MPZL1: variants seen among roughly 807,000 people sequenced by gnomAD.
MPZL1 encodes the protein myelin protein zero like 1.
In MPZL1, 16 loss-of-function variants were observed where a neutral mutation model predicts 29.3. That is an observed-to-expected ratio of 0.55 (90% CI 0.37 to 0.83). MPZL1 has a LOEUF of 0.83. Among genes scored for constraint, MPZL1 ranks in the 40% least tolerant of loss-of-function variants. The pLI is 0.00. For missense variants in MPZL1, 279 were observed against 332.9 expected (o/e 0.84, Z 1.26); for synonymous variants, 143 against 132.0 (o/e 1.08, Z -0.57).
chr1:167,789,562 G>C lies in MPZL1; in HGVS notation c.*1641G>C, dbSNP rs544719220. 1 of 152,184 alleles carries C rather than the reference G, an allele frequency of 6.6e-6. No individual in the cohort carries two copies. Among genetic ancestry groups the C allele is most frequent in the Non-Finnish European group, 1.5e-5 (1 of 68,024 alleles). 9.4% of individuals were successfully genotyped at this position (152,184 alleles called of 1,614,324 possible). ...GGTGTGCACAAGGTGGTAAGATAAA[G>C]GGCATATGAGCTTCAAAACTAATGC... On this transcript the variant is annotated 3_prime_UTR_variant, in exon 6 of 6. Transcript: ENST00000359523.
chr1:167,751,441 G>A (rs1317417809), intron 1 of MPZL1, among the ~76,000 whole-genome samples: 1 of 151,974 alleles, frequency 6.6e-6, no homozygotes, highest in African/African-American at 2.4e-5. Context: ...AGGCTGAGGT[G>A]GGCGGATCAC....
intron 2 of MPZL1, among the ~76,000 whole-genome samples, chr1:167,767,587 T>C (rs754636857): frequency 2.0e-4 from 30 of 152,356 alleles, no homozygotes; most frequent in Non-Finnish European, 3.7e-4. Context: ...GTTATTGACA[T>C]AGGATCCTTT....
At chr1:167,767,210 A>G (rs1207911149) in intron 2 of MPZL1, among the ~76,000 whole-genome samples, 2 of 152,246 alleles carry the variant, frequency 1.3e-5, no homozygotes, top group Non-Finnish European at 2.9e-5. Context: ...TACCATGGAA[A>G]GACATAAAGA....
Position 167,727,619 on chromosome 1 carries a change from T to C in MPZL1, c.91+5377T>C, listed in dbSNP as rs541468862. Among the ~76,000 whole-genome samples the C allele has an allele frequency of 3.3e-4, 50 of 151,888 alleles. No individual in the cohort carries two copies. The South Asian group carries it at 9.6e-3, about 29-fold the overall frequency. ...GACTTGACCCCTAAGGCTGGTGATA[T>C]TAAGCCTTCATGTATCTTGAATGAT... is the stretch of plus-strand genomic sequence containing the variant. On this transcript the variant is annotated intron_variant, in intron 1 of 5. Transcript: ENST00000359523.
intron 1 of MPZL1, among the ~76,000 whole-genome samples, chr1:167,758,415 T>C (rs770741885): frequency 2.6e-5 from 4 of 152,236 alleles, no homozygotes; most frequent in Admixed American, 6.5e-5. Flanking sequence ...ATTGTTTCAG[T>C]AATTCAGAAT....
rs1333249851 is a variant in MPZL1 at position 167,722,973 on chromosome 1, T to G, written c.91+731T>G. 3.9e-5 allele frequency among the ~76,000 whole-genome samples: 6 copies of G among 151,920 alleles called. No individual in the cohort carries two copies. In the East Asian group the frequency reaches 1.2e-3, roughly 29 times the overall value. ...AGAGCATTAAAAAGCATAATTTTCC[T>G]AAAGGAAAAAAAAAGCTCCTTTTTC... On this transcript the variant is annotated intron_variant, in intron 1 of 5. Coordinates refer to ENST00000359523, the MANE Select transcript of MPZL1 (RefSeq NM_003953.6).
intron 5 of MPZL1, among the ~76,000 whole-genome samples, chr1:167,777,732 T>G (rs185078695): frequency 6.6e-6 from 1 of 152,274 alleles, no homozygotes; most frequent in Non-Finnish European, 1.5e-5. Context: ...CAATGCCTGG[T>G]GCTCACACAG....
intron 1 of MPZL1, among the ~76,000 whole-genome samples, chr1:167,723,292 A>G (rs1660078089): frequency 1.3e-5 from 2 of 152,226 alleles, no homozygotes; most frequent in South Asian, 4.1e-4. Context: ...TTCTTTCTTC[A>G]TGGAAAAGTT....
At chr1:167,774,613 G>A (rs1013631765) in intron 4 of MPZL1, 5 of 152,252 alleles carry the variant, frequency 3.3e-5, no homozygotes, top group Non-Finnish European at 7.3e-5. Context: ...GGTCTTTGTA[G>A]TTCTTGCTTC....
intron 1 of MPZL1, among the ~76,000 whole-genome samples, chr1:167,750,933 A>G (rs909877418): frequency 2.6e-5 from 4 of 152,228 alleles, no homozygotes; most frequent in Non-Finnish European, 5.9e-5. Flanking sequence ...TAAGCCAGTT[A>G]CATAGTAGAT....
chr1:167,758,577 G>T (rs1364654360), intron 1 of MPZL1, among the ~76,000 whole-genome samples: 2 of 151,126 alleles, frequency 1.3e-5, no homozygotes, highest in African/African-American at 4.9e-5. Context: ...CATCCAAATT[G>T]TAAGAATATT....
intron 2 of MPZL1, among the ~76,000 whole-genome samples, chr1:167,770,958 G>T (rs1191937678): frequency 6.6e-6 from 1 of 151,656 alleles, no homozygotes; most frequent in Admixed American, 6.6e-5. Flanking sequence ...CTTCTGTCTG[G>T]CTTAGATTCC....
At chr1:167,775,401 A>G (rs931803407) in intron 4 of MPZL1, among the ~76,000 whole-genome samples, 8 of 152,174 alleles carry the variant, frequency 5.3e-5, no homozygotes, top group Admixed American at 5.2e-4. Flanking sequence ...ACTTCCTGGC[A>G]TTCACTTTCC....
chr1:167,758,538 T>C (rs1660917395), intron 1 of MPZL1, among the ~76,000 whole-genome samples: 1 of 152,198 alleles, frequency 6.6e-6, no homozygotes, highest in Non-Finnish European at 1.5e-5. Context: ...CTTTGCTTTT[T>C]TTTTTCTTTC....
At chr1:167,731,641 T>C (rs1009184535) in intron 1 of MPZL1, among the ~76,000 whole-genome samples, 1 of 151,906 alleles carries the variant, frequency 6.6e-6, no homozygotes, top group Admixed American at 6.6e-5. Context: ...TGTTTCACCA[T>C]GTTAGCCAGG....
At chr1:167,736,480 A>G (rs912126902) in intron 1 of MPZL1, among the ~76,000 whole-genome samples, 1 of 151,914 alleles carries the variant, frequency 6.6e-6, no homozygotes, top group African/African-American at 2.4e-5. Flanking sequence ...TCAACTCTAT[A>G]TATCTCTCCT....
chr1:167,724,020 C>G (rs951347190), intron 1 of MPZL1, among the ~76,000 whole-genome samples: 13 of 152,230 alleles, frequency 8.5e-5, no homozygotes, highest in South Asian at 4.1e-4. Context: ...AACTGAAACT[C>G]CTGGGCTCCA....
chr1:167,751,649 C>T (rs1408421335), intron 1 of MPZL1, among the ~76,000 whole-genome samples: 4 of 140,700 alleles, frequency 2.8e-5, no homozygotes, highest in Admixed American at 1.5e-4. Flanking sequence ...CCAGCCTGGG[C>T]GACAGGACGA....
At chr1:167,783,071 C>G (rs1031495438) in intron 5 of MPZL1, among the ~76,000 whole-genome samples, 2 of 152,176 alleles carry the variant, frequency 1.3e-5, no homozygotes, top group African/African-American at 4.8e-5. Context: ...GGGTAGGATT[C>G]CCAGTTGGAA....
Sources: gnomAD v4.1 joint callset for allele counts (sites outside exome capture counted in the v4.1 genomes callset) on GRCh38, gnomAD v4.1.1 for gene constraint, MANE v1.5 for transcripts, NCBI Gene and HGNC (gene_info 2026-07-23, HGNC 2026-07-21) for gene names.